The following SDK1 variants were observed in gnomAD, a reference collection of about 807,000 sequenced individuals.
SDK1 encodes sidekick cell adhesion molecule 1.
SDK1 carries 157 observed loss-of-function variants against 245.5 expected under a neutral mutation model. The observed-to-expected ratio is 0.64, with a 90% CI of 0.56 to 0.73. The LOEUF (loss-of-function observed/expected upper bound fraction) is 0.73. SDK1 is among the 30% of genes least tolerant of loss of function. The pLI, the probability that SDK1 is intolerant of heterozygous loss-of-function variation, is 0.00. For synonymous variants in SDK1, 1,647 were observed against 1,278.5 expected, an observed-to-expected ratio of 1.29 and a Z score of -6.15; for missense variants, 3,583 against 3,002.3, an observed-to-expected ratio of 1.19 and a Z score of -4.52.
At chr7:3,486,026 A>C (rs1047800836) in intron 1 of SDK1, among the ~76,000 whole-genome samples, 6 of 151,990 alleles carry the variant, frequency 3.9e-5, no homozygotes, top group Non-Finnish European at 8.8e-5. Context: ...TATTGGTTTT[A>C]TCTATTTTTT....
At chr7:3,956,988 C>T (rs903428888) in intron 7 of SDK1, among the ~76,000 whole-genome samples, 10 of 152,148 alleles carry the variant, frequency 6.6e-5, no homozygotes, top group Non-Finnish European at 4.4e-5. Flanking sequence ...CCGTAGGTGC[C>T]GACCATTGTT....
chr7:3,357,328 GTTTTTT>G (rs560124026), intron 1 of SDK1, among the ~76,000 whole-genome samples: 1 of 52,944 alleles, frequency 1.9e-5, no homozygotes. Flanking sequence ...TTCTTTTAGT[GTTTTTT>G]TTTTTTTTTT....
At chr7:3,801,064 A>C (rs1482293171) in intron 4 of SDK1, among the ~76,000 whole-genome samples, 1 of 152,224 alleles carries the variant, frequency 6.6e-6, no homozygotes, top group South Asian at 2.1e-4. Flanking sequence ...TTTTCCTAGT[A>C]TATTCCAAAG....
chr7:3,890,876 A>T lies in SDK1; in HGVS notation c.848-60047A>T, dbSNP rs553075788. ...AGAATCGCTTGAACCCAGGAGGGGG[A>T]GGTTGCAGTGAGCCGAAAGCACTCC... On this transcript the variant is annotated intron_variant, in intron 5 of 44. Coordinates refer to ENST00000404826, the MANE Select transcript of SDK1 (RefSeq NM_152744.4). Among the ~76,000 whole-genome samples, 7 of 152,132 alleles carry T rather than the reference A, an allele frequency of 4.6e-5. No individual in the cohort carries two copies. In the South Asian group the frequency reaches 1.0e-3, roughly 23 times the overall value.
chr7:3,806,925 C>T (rs1348290977), intron 4 of SDK1, among the ~76,000 whole-genome samples: 2 of 152,070 alleles, frequency 1.3e-5, no homozygotes, highest in Non-Finnish European at 2.9e-5. Flanking sequence ...CTGTATCTTA[C>T]GTGTGTATTG....
chr7:3,535,792 G>T (rs187525866), intron 1 of SDK1, among the ~76,000 whole-genome samples: 2 of 152,088 alleles, frequency 1.3e-5, no homozygotes, highest in East Asian at 3.9e-4. Context: ...ATAGATTTAG[G>T]CTATATTTGC....
intron 25 of SDK1, among the ~76,000 whole-genome samples, chr7:4,114,786 G>A (rs1783593854): frequency 6.6e-6 from 1 of 152,130 alleles, no homozygotes; most frequent in South Asian, 2.1e-4. Context: ...GGTGATTCAG[G>A]GACCCAGGCT....
chr7:4,243,033 T>C (rs1042875531), intron 43 of SDK1, among the ~76,000 whole-genome samples: 2 of 152,210 alleles, frequency 1.3e-5, no homozygotes, highest in Non-Finnish European at 2.9e-5. Context: ...TTTCATTTCA[T>C]TTGTCTACTG....
chr7:3,859,694 A>G (rs775269723), intron 5 of SDK1, among the ~76,000 whole-genome samples: 22 of 152,206 alleles, frequency 1.4e-4, no homozygotes, highest in Admixed American at 1.1e-3. Context: ...CCCAGGGGAC[A>G]GCCAGATGCT....
At position 3,774,710 on chromosome 7, in the gene SDK1, A is replaced by G. The variant is rs77885460; in HGVS notation, c.714-46740A>G. Among the ~76,000 whole-genome samples, 476 of 152,224 alleles carry G rather than the reference A, an allele frequency of 3.1e-3. 4 individuals carry two copies. The highest frequency in any genetic ancestry group is 0.01 in the African/African-American group (431 of 41,528). On this transcript the variant is annotated intron_variant, in intron 4 of 44. Transcript: ENST00000404826. The stretch of plus-strand genomic sequence containing the variant: ...TCTTCCCAGAATCATCCTCTGTATC[A>G]TTTTTATAATCTGAAAAAAATAGTT...
At chr7:3,350,680 A>G (rs1413559991) in intron 1 of SDK1, among the ~76,000 whole-genome samples, 16 of 152,080 alleles carry the variant, frequency 1.1e-4, no homozygotes, top group Non-Finnish European at 1.5e-5. Context: ...TGTTTGGGAA[A>G]ACCTTTTCCT....
rs754922998 is a variant in SDK1 at position 3,854,219 on chromosome 7, T to C, written c.847+32636T>C. Among the ~76,000 whole-genome samples the C allele has an allele frequency of 3.9e-4, 59 of 152,320 alleles. 1 individual carries two copies. Among genetic ancestry groups the C allele is most frequent in the Middle Eastern group, 6.8e-3 (2 of 294 alleles). Reference sequence around the variant, plus strand: ...TGTGGTAGAGGAACCATAGAGGTTTTGAAATCATCTGACTTCAGTTCATAT... The same window carrying C: ...TGTGGTAGAGGAACCATAGAGGTTTCGAAATCATCTGACTTCAGTTCATAT... On this transcript the variant is annotated intron_variant, in intron 5 of 44. Coordinates refer to ENST00000404826, the MANE Select transcript of SDK1 (RefSeq NM_152744.4).
At chr7:3,929,799 C>T (rs1041348804) in intron 5 of SDK1, among the ~76,000 whole-genome samples, 3 of 151,848 alleles carry the variant, frequency 2.0e-5, no homozygotes, top group African/African-American at 4.8e-5. Context: ...GCTGGTTTTG[C>T]GTTGATAGAA....
intron 1 of SDK1, among the ~76,000 whole-genome samples, chr7:3,389,758 C>CAAAA (rs549378433): frequency 5.9e-5 from 6 of 101,704 alleles, no homozygotes; most frequent in Non-Finnish European, 8.4e-5. Context: ...CAGAAATAAA[C>CAAAA]AAAAACAAAA....
intron 4 of SDK1, among the ~76,000 whole-genome samples, chr7:3,737,300 T>A (rs947151465): frequency 6.6e-5 from 10 of 152,092 alleles, no homozygotes; most frequent in African/African-American, 2.4e-4. Flanking sequence ...TCTCCCTGTT[T>A]GGGGGTGGCT....
At chr7:3,514,221 T>G (rs953210557) in intron 1 of SDK1, among the ~76,000 whole-genome samples, 1 of 152,182 alleles carries the variant, frequency 6.6e-6, no homozygotes, top group African/African-American at 2.4e-5. Flanking sequence ...TTTTTGTGTA[T>G]AGGAGATTTA....
At chr7:3,376,770 GACAC>G (rs1372669261) in intron 1 of SDK1, among the ~76,000 whole-genome samples, 1 of 152,030 alleles carries the variant, frequency 6.6e-6, no homozygotes, top group African/African-American at 2.4e-5. Context: ...AAGGTAATCG[GACAC>G]ACACAGAAAG....
intron 4 of SDK1, among the ~76,000 whole-genome samples, chr7:3,750,357 G>C (rs553054498): frequency 1.1e-4 from 16 of 152,340 alleles, no homozygotes; most frequent in African/African-American, 3.6e-4. Context: ...CAATCCACAA[G>C]CAGGTAAAGA....
At position 3,904,215 on chromosome 7, in the gene SDK1, A is replaced by G. The variant is rs142037509; in HGVS notation, c.848-46708A>G. 1.6e-3 allele frequency among the ~76,000 whole-genome samples: 238 copies of G among 152,336 alleles called. 1 individual carries two copies. Among genetic ancestry groups the G allele is most frequent in the African/African-American group, 5.5e-3 (229 of 41,580 alleles). ...ACCCACATACTGCATGAATCAGTTTATATGAAATGTGCAAAATACACAAAT... is the reference window on the plus strand; with the variant it reads ...ACCCACATACTGCATGAATCAGTTTGTATGAAATGTGCAAAATACACAAAT... On this transcript the variant is annotated intron_variant, in intron 5 of 44. Transcript: ENST00000404826.
Sources: gnomAD v4.1 joint callset for allele counts (sites outside exome capture counted in the v4.1 genomes callset) on GRCh38, gnomAD v4.1.1 for gene constraint, MANE v1.5 for transcripts, NCBI Gene and HGNC (gene_info 2026-07-23, HGNC 2026-07-21) for gene names.